PCDHGB4: variants seen among roughly 807,000 people sequenced by gnomAD.
PCDHGB4 encodes protocadherin gamma-B4.
PCDHGB4 carries 38 observed loss-of-function variants against 60.5 expected under a neutral mutation model. The ratio of observed to expected loss-of-function variants is 0.63; its 90% CI spans 0.48 to 0.82. PCDHGB4 has a LOEUF of 0.82. Among genes scored for constraint, PCDHGB4 ranks in the 40% least tolerant of loss-of-function variants. The probability of loss-of-function intolerance (pLI) is 0.00; values close to 1 mark genes in which losing one functional copy is unlikely to be tolerated. For synonymous variants in PCDHGB4, 456 were observed against 509.7 expected (o/e 0.89, Z 1.42); for missense variants, 1,109 against 1,209.6 (o/e 0.92, Z 1.23).
intron 1 of PCDHGB4, chr5:141,390,885 TGTGA>T (rs2092262333): frequency 6.5e-6 from 1 of 152,688 alleles, no homozygotes; most frequent in African/African-American, 2.4e-5. Flanking sequence ...TGTGTGTGTG[TGTGA>T]GAGAGATCCT....
intron 1 of PCDHGB4, chr5:141,428,221 G>T (rs1314522513): frequency 1.0e-5 from 12 of 1,177,166 alleles, no homozygotes; most frequent in East Asian, 4.9e-5. Context: ...CCTAGTCTTC[G>T]CAGACAGCCT....
chr5:141,419,933 C>CTGG (rs1192896428), intron 1 of PCDHGB4: 1 of 1,613,952 alleles, frequency 6.2e-7, no homozygotes, highest in African/African-American at 1.3e-5. Context: ...GCAGTTTTAC[C>CTGG]TGGTGGTGGC....
Position 141,486,989 on chromosome 5 carries a change from G to A in PCDHGB4, c.2398-7818G>A. 1.9e-6 allele frequency: 3 copies of A among 1,614,168 alleles called. No individual in the cohort carries two copies. Among genetic ancestry groups the A allele is most frequent in the Non-Finnish European group, 2.5e-6 (3 of 1,180,034 alleles). On this transcript the variant is annotated intron_variant, in intron 1 of 3. Transcript: ENST00000519479. This position sits in a 1 kb window ranked among gnomAD's most constrained non-coding sequence, Gnocchi z 5.0. ...CTTGGATTCAGGTTACAATGCTTGG[G>A]TTTCCTATCAGCTCCTGGAGGCCCC...
chr5:141,410,447 C>A, intron 1 of PCDHGB4: 1 of 1,613,984 alleles, frequency 6.2e-7, no homozygotes, highest in Non-Finnish European at 8.5e-7. Context: ...GGGGACTTTG[C>A]CTTATTCTTA....
At chr5:141,398,727 A>G in intron 1 of PCDHGB4, 1 of 1,613,894 alleles carries the variant, frequency 6.2e-7, no homozygotes, top group Middle Eastern at 1.6e-4. Flanking sequence ...AGAAAACCTT[A>G]GACCGGGAAC....
intron 1 of PCDHGB4, chr5:141,478,148 C>A: frequency 6.2e-7 from 1 of 1,614,066 alleles, no homozygotes; most frequent in Non-Finnish European, 8.5e-7. Flanking sequence ...AGCCGAGTTC[C>A]CCTCTGGCTC....
Position 141,389,835 on chromosome 5 carries a change from C to T in PCDHGB4, c.1951C>T (p.Pro651Ser), listed in dbSNP as rs1238547778. 4.3e-6 allele frequency: 7 copies of T among 1,614,002 alleles called. No homozygotes were observed. The South Asian group carries it at 7.7e-5, about 18-fold the overall frequency. The change falls in exon 1 of 4, where the codon CCA (proline) becomes TCA (serine). Residue 651 changes from proline to serine, a missense_variant. By Grantham distance (74) the Pro-to-Ser change is moderately conservative (BLOSUM62 -1). This residue lies in a region of PCDHGB4 where 1,068 missense variants were observed against 1,089.9 expected (regional missense o/e 0.98). Transcript: ENST00000519479. ...LVAVRDGGQP[P>S]LSATATLHLV... is the part of the protein sequence containing the mutation. ...CGCCGTGCGTGACGGTGGACAGCCA[C>T]CACTCTCGGCCACTGCCACGTTGCA...
At chr5:141,448,074 G>A (rs1008235342) in intron 1 of PCDHGB4, among the ~76,000 whole-genome samples, 3 of 151,152 alleles carry the variant, frequency 2.0e-5, no homozygotes, top group Admixed American at 1.3e-4. Context: ...CAACATGAAC[G>A]AAATGCCATC....
At chr5:141,403,589 A>ACGGCCT in intron 1 of PCDHGB4, 2 of 1,613,812 alleles carry the variant, frequency 1.2e-6, no homozygotes, top group Non-Finnish European at 1.7e-6. Context: ...CCTGGTCCTC[A>ACGGCCT]CGGCCTCGGA....
chr5:141,413,453 G>A lies in PCDHGB4; in HGVS notation c.2397+23172G>A, dbSNP rs761986113. 1.9e-5 allele frequency: 31 copies of A among 1,613,986 alleles called. 2 individuals carry two copies. In the South Asian group the frequency reaches 3.1e-4, roughly 16 times the overall value. On this transcript the variant is annotated intron_variant, in intron 1 of 3. Coordinates refer to ENST00000519479, the MANE Select transcript of PCDHGB4 (RefSeq NM_003736.4). ...AGCGGCAGCTTGATCACCGCGGGCA[G>A]GATAGACCGGGAGGAGCTCTGCGCT...
chr5:141,413,485 G>C lies in PCDHGB4; in HGVS notation c.2397+23204G>C, dbSNP rs184712199. ...CCGGGAGGAGCTCTGCGCTCAGAGC[G>C]CGCGGTGCGTGGTGAGTTTTAATAT... is the stretch of plus-strand genomic sequence containing the variant. On this transcript the variant is annotated intron_variant, in intron 1 of 3. Coordinates refer to ENST00000519479, the MANE Select transcript of PCDHGB4 (RefSeq NM_003736.4). 439 of 1,614,058 alleles carry C rather than the reference G, an allele frequency of 2.7e-4. 1 individual carries two copies. In the African/African-American group the frequency reaches 4.6e-3, roughly 17 times the overall value.
At chr5:141,495,492 G>C (rs1321150765) in intron 2 of PCDHGB4, among the ~76,000 whole-genome samples, 1 of 152,148 alleles carries the variant, frequency 6.6e-6, no homozygotes, top group Non-Finnish European at 1.5e-5. Flanking sequence ...CCTTTTTCTT[G>C]AGTTTCCGTC....
At chr5:141,422,561 A>T in intron 1 of PCDHGB4, 1 of 1,613,992 alleles carries the variant, frequency 6.2e-7, no homozygotes, top group Non-Finnish European at 8.5e-7. Context: ...AATGTGGCAG[A>T]TGACAACGAT....
At chr5:141,395,121 T>C (rs773964445) in intron 1 of PCDHGB4, 1 of 1,614,192 alleles carries the variant, frequency 6.2e-7, no homozygotes, top group East Asian at 2.2e-5. Flanking sequence ...TCACCTGATC[T>C]TTCCCCAGCC....
At chr5:141,492,859 C>G (rs966216924) in intron 1 of PCDHGB4, among the ~76,000 whole-genome samples, 1 of 152,232 alleles carries the variant, frequency 6.6e-6, no homozygotes, top group Non-Finnish European at 1.5e-5. Context: ...CTCGAGCGCC[C>G]TGGCTCTCAA....
intron 1 of PCDHGB4, chr5:141,428,009 A>G (rs778602169): frequency 3.7e-6 from 6 of 1,602,358 alleles, no homozygotes; most frequent in African/African-American, 2.7e-5. Context: ...TCTTCGATAT[A>G]GTGCCACGCG....
intron 1 of PCDHGB4, chr5:141,407,989 T>C: frequency 1.2e-6 from 1 of 833,618 alleles, no homozygotes; most frequent in Non-Finnish European, 1.8e-6. Context: ...TCCGTCAGCC[T>C]CTGGCCTGGG....
At chr5:141,436,676 G>T (rs1019010328) in intron 1 of PCDHGB4, among the ~76,000 whole-genome samples, 1 of 152,238 alleles carries the variant, frequency 6.6e-6, no homozygotes, top group African/African-American at 2.4e-5. Flanking sequence ...ACCAAAAAAA[G>T]GATTTATATT....
chr5:141,453,288 A>G (rs931678565), intron 1 of PCDHGB4, among the ~76,000 whole-genome samples: 1 of 151,342 alleles, frequency 6.6e-6, no homozygotes, highest in Non-Finnish European at 1.5e-5. Context: ...TAATTTTTTA[A>G]TTATTTATTT....
Sources: gnomAD v4.1 joint callset for allele counts (sites outside exome capture counted in the v4.1 genomes callset) on GRCh38, gnomAD v4.1.1 for gene constraint, gnomAD v4.1.1 regional missense constraint, Gnocchi (gnomAD v3.1) non-coding constraint, MANE v1.5 for transcripts, NCBI Gene and HGNC (gene_info 2026-07-23, HGNC 2026-07-21) for gene names.